Variants in TM9SF2 observed in about 807,000 individuals in gnomAD.
TM9SF2 encodes the protein 76 kDa membrane protein.
Under a neutral mutation model 84.9 loss-of-function variants are expected in TM9SF2, and 13 were observed. The ratio of observed to expected loss-of-function variants is 0.15; its 90% CI spans 0.10 to 0.24. The LOEUF (loss-of-function observed/expected upper bound fraction) is 0.24, where lower values mean the gene tolerates loss of function less well. Ranked by LOEUF, TM9SF2 falls within the 10% of genes least tolerant of loss-of-function variation. The pLI is 1.00. For synonymous variants in TM9SF2, 273 were observed against 285.8 expected (o/e 0.96, Z 0.45); for missense variants, 562 against 818.5 (o/e 0.69, Z 3.82).
intron 12 of TM9SF2, among the ~76,000 whole-genome samples, chr13:99,550,610 A>G (rs1049959302): frequency 2.0e-5 from 3 of 152,212 alleles, no homozygotes; most frequent in African/African-American, 7.2e-5. Flanking sequence ...TAAGAACTCA[A>G]GTATTCAGGG....
chr13:99,539,439 C>T lies in TM9SF2; in HGVS notation c.717-7C>T. The T allele has an allele frequency of 6.3e-7, 1 of 1,575,336 alleles. No homozygotes were observed. The highest frequency in any genetic ancestry group is 1.3e-5 in the African/African-American group (1 of 74,118). ...TCAGCATCTTGCCAAAATGTTTCTT[C>T]CCACAGCTTCAAACATACCCATATA... On this transcript the variant is annotated splice_polypyrimidine_tract_variant and splice_region_variant and intron_variant, in intron 6 of 16. Coordinates refer to ENST00000376387, the MANE Select transcript of TM9SF2 (RefSeq NM_004800.3).
chr13:99,519,401 T>A (rs1004571544), intron 2 of TM9SF2: 2 of 152,218 alleles, frequency 1.3e-5, no homozygotes, highest in African/African-American at 2.4e-5. Context: ...CATTCCAGAG[T>A]GAGCACAGAA....
At chr13:99,510,990 A>AT (rs925967942) in intron 1 of TM9SF2, among the ~76,000 whole-genome samples, 10 of 151,818 alleles carry the variant, frequency 6.6e-5, no homozygotes, top group African/African-American at 2.4e-4. Flanking sequence ...AAATTCTACT[A>AT]TTTTTTTCCT....
intron 1 of TM9SF2, among the ~76,000 whole-genome samples, chr13:99,511,823 T>G (rs780090263): frequency 6.6e-6 from 1 of 152,168 alleles, no homozygotes; most frequent in African/African-American, 2.4e-5. Flanking sequence ...GGAAGAAAAG[T>G]AGAGGAATAA....
intron 1 of TM9SF2, among the ~76,000 whole-genome samples, chr13:99,510,251 G>A (rs1041335559): frequency 1.3e-5 from 2 of 152,154 alleles, no homozygotes; most frequent in Non-Finnish European, 2.9e-5. Context: ...CTCTTAAGAA[G>A]TTCCAAACTT....
intron 1 of TM9SF2, among the ~76,000 whole-genome samples, chr13:99,504,865 A>T (rs962536278): frequency 1.3e-5 from 2 of 152,124 alleles, no homozygotes; most frequent in Admixed American, 6.5e-5. Context: ...GTTCCTGTAC[A>T]ATCTGTGGTT....
chr13:99,556,252 A>G lies in TM9SF2; in HGVS notation c.1752+605A>G, dbSNP rs150662333. Among the ~76,000 whole-genome samples, 594 of 152,368 alleles carry G rather than the reference A, an allele frequency of 3.9e-3. 6 individuals carry two copies. Among genetic ancestry groups the G allele is most frequent in the African/African-American group, 0.013 (560 of 41,588 alleles). On this transcript the variant is annotated intron_variant, in intron 15 of 16. Coordinates refer to ENST00000376387, the MANE Select transcript of TM9SF2 (RefSeq NM_004800.3). ...TTCAAAAAATGGAGGTTAAATTTACATAACAGAAAATGAACCATTTTGAAG... is the reference window on the plus strand; with the variant it reads ...TTCAAAAAATGGAGGTTAAATTTACGTAACAGAAAATGAACCATTTTGAAG...
Position 99,559,381 on chromosome 13 carries a change from C to T in TM9SF2, c.1771C>T (p.Arg591Cys). 1.9e-6 allele frequency: 3 copies of T among 1,594,016 alleles called. No homozygotes were observed. The highest frequency in any genetic ancestry group is 2.6e-6 in the Non-Finnish European group (3 of 1,172,820). Residue 591 changes from arginine to cysteine, a missense_variant, in exon 16 of 17, where the codon CGT becomes TGT. Coordinates refer to ENST00000376387, the MANE Select transcript of TM9SF2 (RefSeq NM_004800.3). ...LCAEDYHWQW[R>C]SFLTSGFTAV... ...TACCTAGGATTATCATTGGCAATGG[C>T]GTTCATTCCTTACGAGTGGCTTTAC...
chr13:99,513,980 C>G (rs541696664), intron 1 of TM9SF2, among the ~76,000 whole-genome samples: 1 of 152,048 alleles, frequency 6.6e-6, no homozygotes, highest in Non-Finnish European at 1.5e-5. Context: ...ATAAAATTAG[C>G]GTCATTTTTC....
rs1465527042 is a variant in TM9SF2, at chr13:99,552,212, A to G, written c.1374A>G (p.Gly458=). 2 of 1,614,120 alleles carry G rather than the reference A, an allele frequency of 1.2e-6. No homozygotes were observed. Among genetic ancestry groups the G allele is most frequent in the Admixed American group, 3.3e-5 (2 of 60,022 alleles). Residue 458 remains glycine (G), a synonymous_variant, in exon 13 of 17, where the codon GGA becomes GGG. Transcript: ENST00000376387. ...TTATAATGAATCTGATCCTCTGGGG[A>G]GAAGGATCTTCAGCAGCTATTCCTT... ...DFFIMNLILW[G]EGSSAAIPFG...
chr13:99,523,723 C>T (rs1350416474), intron 3 of TM9SF2, among the ~76,000 whole-genome samples: 2 of 152,048 alleles, frequency 1.3e-5, no homozygotes, highest in African/African-American at 4.8e-5. Context: ...CAGCAGTGAG[C>T]AAAACAAAAA....
intron 16 of TM9SF2, among the ~76,000 whole-genome samples, chr13:99,560,462 C>T (rs1400892462): frequency 6.6e-6 from 1 of 152,012 alleles, no homozygotes; most frequent in African/African-American, 2.4e-5. Flanking sequence ...AGGTCCAGAG[C>T]TGTAAATTTT....
chr13:99,533,710 G>C (rs1594053859), intron 4 of TM9SF2, among the ~76,000 whole-genome samples: 1 of 152,264 alleles, frequency 6.6e-6, no homozygotes, highest in East Asian at 1.9e-4. Flanking sequence ...CCAGGCTGGA[G>C]TGCAGTGGCA....
chr13:99,513,465 A>G (rs1305968157), intron 1 of TM9SF2, among the ~76,000 whole-genome samples: 2 of 152,212 alleles, frequency 1.3e-5, no homozygotes, highest in African/African-American at 4.8e-5. Context: ...CTAAGCAAAA[A>G]TTTGTATTAC....
intron 16 of TM9SF2, among the ~76,000 whole-genome samples, chr13:99,561,552 T>C (rs1296364538): frequency 6.6e-6 from 1 of 152,214 alleles, no homozygotes; most frequent in Non-Finnish European, 1.5e-5. Context: ...AAGGTATATT[T>C]GTATGTCCTC....
At chr13:99,559,736 A>G (rs1385654466) in intron 16 of TM9SF2, among the ~76,000 whole-genome samples, 1 of 152,192 alleles carries the variant, frequency 6.6e-6, no homozygotes, top group Non-Finnish European at 1.5e-5. Flanking sequence ...GAAGAAGGCT[A>G]AACAGGGTCA....
chr13:99,540,492 ATTCT>A (rs1287819820), intron 7 of TM9SF2: 6 of 323,694 alleles, frequency 1.9e-5, no homozygotes, highest in Non-Finnish European at 3.3e-5. Context: ...ATTACTAGGA[ATTCT>A]TTTTTTTTTT....
chr13:99,540,680 T>A, intron 7 of TM9SF2, 34 bp from the exon 8 acceptor site: 1 of 1,565,696 alleles, frequency 6.4e-7, no homozygotes, highest in Non-Finnish European at 8.8e-7. Context: ...TGTCAGCAGA[T>A]GTTTACTTAA....
At chr13:99,502,561 A>C (rs1343458142) in intron 1 of TM9SF2, among the ~76,000 whole-genome samples, 1 of 152,164 alleles carries the variant, frequency 6.6e-6, no homozygotes, top group Non-Finnish European at 1.5e-5. Flanking sequence ...AGTCTTGAAA[A>C]CTTTGATCTC....
Sources: allele counts gnomAD v4.1 joint callset (sites outside exome capture counted in the v4.1 genomes callset), GRCh38; gene constraint gnomAD v4.1.1; transcripts MANE v1.5; gene names NCBI Gene and HGNC (gene_info 2026-07-23, HGNC 2026-07-21).